Variants in ROBO1 observed in about 807,000 individuals in gnomAD.
The protein encoded by ROBO1 is roundabout homolog 1.
A neutral mutation model predicts 195.9 loss-of-function variants in ROBO1; 149 were observed. That is an observed-to-expected ratio of 0.76 (90% confidence interval 0.67 to 0.87). The LOEUF (loss-of-function observed/expected upper bound fraction) is 0.87, where lower values mean the gene tolerates loss of function less well. ROBO1 is among the 40% of genes least tolerant of loss of function. The pLI is 0.00. For missense variants in ROBO1, 1,933 were observed against 2,068.3 expected (o/e 0.93, Z 1.27); for synonymous variants, 816 against 733.2 (o/e 1.11, Z -1.82).
intron 1 of ROBO1, among the ~76,000 whole-genome samples, chr3:79,647,618 A>G (rs915831602): frequency 2.0e-5 from 3 of 152,048 alleles, no homozygotes; most frequent in Admixed American, 1.3e-4. Flanking sequence ...TAAACTTCCT[A>G]CTAAGCACAG....
chr3:79,699,466 C>T (rs993575749), intron 1 of ROBO1, among the ~76,000 whole-genome samples: 1 of 151,364 alleles, frequency 6.6e-6, no homozygotes. Flanking sequence ...ATAAATTGAC[C>T]CCTATATAAA....
rs766445752 is a variant in ROBO1 at position 78,798,142 on chromosome 3, T to C, written c.500-51242A>G. 7.9e-5 allele frequency among the ~76,000 whole-genome samples: 12 copies of C among 152,192 alleles called. 1 individual carries two copies. Among genetic ancestry groups the C allele is most frequent in the Non-Finnish European group, 1.3e-4 (9 of 68,024 alleles). ...AGGTGAAACTATTCATGGGAATTTA[T>C]TTAGTAGTTATTTGGAGGTAAGACG... On this transcript the variant is annotated intron_variant, in intron 4 of 30. Coordinates refer to ENST00000464233, the MANE Select transcript of ROBO1 (RefSeq NM_002941.4).
At chr3:79,482,362 G>A (rs1226937213) in intron 2 of ROBO1, among the ~76,000 whole-genome samples, 1 of 152,144 alleles carries the variant, frequency 6.6e-6, no homozygotes, top group African/African-American at 2.4e-5. Context: ...GATCTGGTGG[G>A]AGATAATTGA....
At chr3:78,946,111 C>A (rs1438367206) in intron 3 of ROBO1, among the ~76,000 whole-genome samples, 1 of 152,100 alleles carries the variant, frequency 6.6e-6, no homozygotes. Flanking sequence ...GGGTATTATC[C>A]AGAAGGACTT....
chr3:78,808,677 C>T (rs183486831), intron 4 of ROBO1, among the ~76,000 whole-genome samples: 48 of 152,228 alleles, frequency 3.2e-4, no homozygotes, highest in Admixed American at 3.1e-3. Flanking sequence ...CCTCAGAGAC[C>T]TCAGAAATAA....
intron 3 of ROBO1, among the ~76,000 whole-genome samples, chr3:79,077,977 G>A (rs544749037): frequency 2.6e-5 from 4 of 151,642 alleles, no homozygotes; most frequent in African/African-American, 4.8e-5. Flanking sequence ...ATGAACTTGC[G>A]TTGTAAATAC....
At chr3:79,694,500 T>A (rs536938246) in intron 1 of ROBO1, among the ~76,000 whole-genome samples, 6 of 151,922 alleles carry the variant, frequency 3.9e-5, no homozygotes, top group Non-Finnish European at 7.4e-5. Context: ...TTCTGCTTTT[T>A]TCTGAAGCAA....
chr3:78,891,897 T>C (rs2036921012), intron 4 of ROBO1, among the ~76,000 whole-genome samples: 1 of 152,210 alleles, frequency 6.6e-6, no homozygotes, highest in Admixed American at 6.5e-5. Flanking sequence ...ACTAATCTGC[T>C]GTGATAGATG....
At chr3:78,684,810 C>T (rs6788511) in intron 10 of ROBO1, among the ~76,000 whole-genome samples, 29 of 152,018 alleles carry the variant, frequency 1.9e-4, no homozygotes, top group African/African-American at 5.5e-4. Flanking sequence ...CATTATCAGA[C>T]GTTTTAAAAG....
chr3:79,173,640 C>T (rs947570359), intron 2 of ROBO1, among the ~76,000 whole-genome samples: 4 of 152,086 alleles, frequency 2.6e-5, no homozygotes, highest in East Asian at 1.9e-4. Flanking sequence ...CCGAGCCTCC[C>T]GGATGAGCAC....
chr3:79,025,605 C>A (rs757596202), intron 3 of ROBO1, among the ~76,000 whole-genome samples: 75 of 150,482 alleles, frequency 5.0e-4, no homozygotes, highest in Non-Finnish European at 8.6e-4. Flanking sequence ...AGTTTATTTT[C>A]TCTAATATAT....
intron 2 of ROBO1, among the ~76,000 whole-genome samples, chr3:79,269,487 T>C (rs941223686): frequency 6.6e-6 from 1 of 151,694 alleles, no homozygotes; most frequent in Non-Finnish European, 1.5e-5. Context: ...GAGACTTATT[T>C]ATTTATATCT....
intron 2 of ROBO1, among the ~76,000 whole-genome samples, chr3:79,527,558 T>C (rs1440546710): frequency 1.3e-5 from 2 of 151,808 alleles, no homozygotes; most frequent in Admixed American, 6.6e-5. Context: ...AAAAAGAAAA[T>C]TCAGACAGCT....
intron 2 of ROBO1, among the ~76,000 whole-genome samples, chr3:79,221,412 T>C (rs2082136820): frequency 6.6e-6 from 1 of 152,138 alleles, no homozygotes; most frequent in African/African-American, 2.4e-5. Flanking sequence ...TTTGAAGTTT[T>C]AACTCAGAAT....
chr3:79,272,093 G>A (rs896169437), intron 2 of ROBO1, among the ~76,000 whole-genome samples: 6 of 152,100 alleles, frequency 3.9e-5, no homozygotes, highest in Admixed American at 1.3e-4. Context: ...GGTCAGTGTC[G>A]CAGCACTCAG....
At chr3:79,735,900 A>C (rs7426689) in intron 1 of ROBO1, among the ~76,000 whole-genome samples, 93,121 of 149,714 alleles carry the variant, frequency 0.62, 29,371 homozygotes, top group Middle Eastern at 0.7. Flanking sequence ...AAAAAAAACA[A>C]AAAATGCCTG....
chr3:79,538,275 G>A (rs1941946570), intron 2 of ROBO1, among the ~76,000 whole-genome samples: 1 of 152,092 alleles, frequency 6.6e-6, no homozygotes, highest in Non-Finnish European at 1.5e-5. Context: ...GTAGCACAAT[G>A]ACCAATATTG....
At chr3:79,187,429 G>C (rs1180256527) in intron 2 of ROBO1, among the ~76,000 whole-genome samples, 6 of 152,010 alleles carry the variant, frequency 3.9e-5, no homozygotes, top group Non-Finnish European at 8.8e-5. Context: ...AATACTACTT[G>C]ATAGTGAGAA....
At chr3:79,054,759 C>T (rs754950476) in intron 3 of ROBO1, among the ~76,000 whole-genome samples, 12 of 152,114 alleles carry the variant, frequency 7.9e-5, no homozygotes, top group Non-Finnish European at 1.5e-4. Context: ...GTACTTGACA[C>T]TCTAAGTATG....
Sources: gnomAD v4.1 joint callset for allele counts (sites outside exome capture counted in the v4.1 genomes callset) on GRCh38, gnomAD v4.1.1 for gene constraint, MANE v1.5 for transcripts, NCBI Gene and HGNC (gene_info 2026-07-23, HGNC 2026-07-21) for gene names.